ASTN1: variants seen among roughly 807,000 people sequenced by gnomAD.
ASTN1 encodes the protein astrotactin-1.
ASTN1 carries 41 observed loss-of-function variants against 140.7 expected under a neutral mutation model. The observed-to-expected ratio is 0.29, with a 90% CI of 0.23 to 0.38. The LOEUF is 0.38. Among genes scored for constraint, ASTN1 ranks in the 10% least tolerant of loss-of-function variants. The pLI is 1.00. For missense variants in ASTN1, 1,479 were observed against 1,678.8 expected (o/e 0.88, Z 2.08); for synonymous variants, 640 against 652.2 (o/e 0.98, Z 0.29).
intron 8 of ASTN1, among the ~76,000 whole-genome samples, chr1:176,982,669 T>C (rs1673675867): frequency 6.6e-6 from 1 of 152,210 alleles, no homozygotes; most frequent in African/African-American, 2.4e-5. Context: ...TGGAGAACTT[T>C]TGACCTTCAG....
intron 16 of ASTN1, among the ~76,000 whole-genome samples, chr1:176,927,040 A>G (rs1289596600): frequency 2.6e-5 from 4 of 152,226 alleles, no homozygotes; most frequent in African/African-American, 9.6e-5. Flanking sequence ...AAGACATGAC[A>G]TCTTGTCTGC....
At chr1:177,006,569 A>G (rs556637658) in intron 8 of ASTN1, among the ~76,000 whole-genome samples, 3 of 152,358 alleles carry the variant, frequency 2.0e-5, no homozygotes, top group African/African-American at 7.2e-5. Context: ...CACTATCTGG[A>G]AAGCATAGGC....
intron 1 of ASTN1, among the ~76,000 whole-genome samples, chr1:177,063,113 G>C (rs1283683372): frequency 6.6e-6 from 1 of 152,140 alleles, no homozygotes; most frequent in East Asian, 1.9e-4. Flanking sequence ...ATAAGGATGA[G>C]GAAAAGGAAG....
At chr1:177,094,465 A>T (rs1041391613) in intron 1 of ASTN1, among the ~76,000 whole-genome samples, 1 of 152,170 alleles carries the variant, frequency 6.6e-6, no homozygotes, top group Admixed American at 6.6e-5. Flanking sequence ...TTCTAAGAAA[A>T]GAGGCTCCAA....
At chr1:177,117,839 T>C (rs558773744) in intron 1 of ASTN1, among the ~76,000 whole-genome samples, 2 of 152,300 alleles carry the variant, frequency 1.3e-5, no homozygotes, top group Admixed American at 1.3e-4. Context: ...CCCTTTGAAA[T>C]TCTATGTAAA....
intron 22 of ASTN1, among the ~76,000 whole-genome samples, chr1:176,866,199 C>T (rs1198026039): frequency 6.6e-6 from 1 of 152,126 alleles, no homozygotes; most frequent in Non-Finnish European, 1.5e-5. Flanking sequence ...AAAGGGTGAG[C>T]TGGGAGAAGG....
At chr1:176,871,379 T>A (rs535837460) in intron 21 of ASTN1, among the ~76,000 whole-genome samples, 1 of 152,308 alleles carries the variant, frequency 6.6e-6, no homozygotes, top group East Asian at 1.9e-4. Flanking sequence ...ACCCCTGCAC[T>A]GGTGCCAATC....
chr1:177,052,818 C>T (rs1370298155), intron 2 of ASTN1, among the ~76,000 whole-genome samples: 1 of 152,138 alleles, frequency 6.6e-6, no homozygotes, highest in African/African-American at 2.4e-5. Context: ...ATTCCATAAC[C>T]TGGAAAATTG....
At chr1:177,028,354 C>A (rs1053123551) in intron 5 of ASTN1, among the ~76,000 whole-genome samples, 6 of 152,268 alleles carry the variant, frequency 3.9e-5, no homozygotes, top group Admixed American at 3.9e-4. Context: ...CTCACAGAAC[C>A]TGGCCATTCA....
chr1:176,897,091 A>G (rs908274543), intron 16 of ASTN1, among the ~76,000 whole-genome samples: 2 of 152,112 alleles, frequency 1.3e-5, no homozygotes, highest in African/African-American at 4.8e-5. Context: ...CCTGGCCAAC[A>G]TGGTGAAACC....
chr1:176,887,301 C>A (rs915709800), intron 18 of ASTN1, among the ~76,000 whole-genome samples: 1 of 152,194 alleles, frequency 6.6e-6, no homozygotes, highest in African/African-American at 2.4e-5. Context: ...CCAAGGCAAG[C>A]CCAAATGAAA....
chr1:177,072,559 T>G (rs1244145081), intron 1 of ASTN1, among the ~76,000 whole-genome samples: 1 of 152,158 alleles, frequency 6.6e-6, no homozygotes, highest in African/African-American at 2.4e-5. Flanking sequence ...AAATACAAGG[T>G]CACTTGATTG....
At chr1:177,011,594 C>G (rs1477672370) in intron 8 of ASTN1, among the ~76,000 whole-genome samples, 2 of 150,466 alleles carry the variant, frequency 1.3e-5, no homozygotes, top group African/African-American at 4.9e-5. Context: ...CACACACATA[C>G]CATACAATCA....
chr1:177,093,603 G>A (rs1679881027), intron 1 of ASTN1, among the ~76,000 whole-genome samples: 1 of 152,132 alleles, frequency 6.6e-6, no homozygotes, highest in Non-Finnish European at 1.5e-5. Flanking sequence ...AAAAGGGTAA[G>A]CCTGGAAAGC....
chr1:177,098,818 C>T (rs1680168433), intron 1 of ASTN1, among the ~76,000 whole-genome samples: 1 of 152,190 alleles, frequency 6.6e-6, no homozygotes, highest in Admixed American at 6.5e-5. Flanking sequence ...GGTGAGAAAG[C>T]TCCTTGGTGA....
intron 14 of ASTN1, among the ~76,000 whole-genome samples, chr1:176,943,563 T>A (rs942401297): frequency 6.6e-6 from 1 of 152,080 alleles, no homozygotes; most frequent in Non-Finnish European, 1.5e-5. Context: ...CAATCTAGCT[T>A]CTCTCTCTGC....
At chr1:176,884,028 G>A (rs1409944677) in intron 19 of ASTN1, among the ~76,000 whole-genome samples, 2 of 152,180 alleles carry the variant, frequency 1.3e-5, no homozygotes, top group African/African-American at 2.4e-5. Flanking sequence ...CTAGTGTATT[G>A]TATTGTTGTT....
At chr1:176,888,426 AG>A (rs1285473223) in intron 17 of ASTN1, among the ~76,000 whole-genome samples, 16 of 152,288 alleles carry the variant, frequency 1.1e-4, no homozygotes, top group African/African-American at 3.1e-4. Flanking sequence ...TTACCGTAAC[AG>A]TTCCTCCTTG....
chr1:176,858,685 C>T (rs1446090411), downstream of ASTN1, among the ~76,000 whole-genome samples: 7 of 152,182 alleles, frequency 4.6e-5, no homozygotes, highest in African/African-American at 1.7e-4. Flanking sequence ...ACAATCTGCT[C>T]AGCTTGTGAA....
Sources: gnomAD v4.1 joint callset for allele counts (sites outside exome capture counted in the v4.1 genomes callset) on GRCh38, gnomAD v4.1.1 for gene constraint, MANE v1.5 for transcripts, NCBI Gene and HGNC (gene_info 2026-07-23, HGNC 2026-07-21) for gene names.